XPC: variants seen among roughly 807,000 people sequenced by gnomAD.
XPC encodes the protein DNA repair protein complementing XP-C cells.
In XPC, 76 loss-of-function variants were observed where a neutral mutation model predicts 95.8. The observed-to-expected ratio is 0.79, with a 90% CI of 0.66 to 0.96. XPC has a LOEUF of 0.96. XPC is among the 40% of genes least tolerant of loss of function. The probability of loss-of-function intolerance (pLI) is 0.00; values close to 1 mark genes in which losing one functional copy is unlikely to be tolerated. For synonymous variants in XPC, 442 were observed against 442.1 expected (o/e 1.00, Z 0.00); for missense variants, 1,146 against 1,179.8 (o/e 0.97, Z 0.42).
intron 5 of XPC, among the ~76,000 whole-genome samples, chr3:14,166,210 C>A (rs1006741075): frequency 1.3e-5 from 2 of 152,112 alleles, no homozygotes; most frequent in Non-Finnish European, 2.9e-5. Context: ...TCCTCCCCCC[C>A]GACTAACAGC....
Position 14,158,137 on chromosome 3 carries a change from T to C in XPC, c.1746A>G (p.Thr582=), listed in dbSNP as rs1414258143. The C allele has an allele frequency of 6.2e-7, 1 of 1,613,936 alleles. No homozygotes were observed. The highest frequency in any genetic ancestry group is 8.5e-7 in the Non-Finnish European group (1 of 1,179,886). ...IDSDGWVRDV[T]QRYDPVWMTV... ...TCATCCAGACTGGGTCGTACCTCTG[T>C]GTGACATCTCGGACCCAGCCGTCAC... is the stretch of plus-strand genomic sequence containing the variant. Residue 582 remains threonine (T), a synonymous_variant, in exon 9 of 16, where the codon ACA becomes ACG. Coordinates refer to ENST00000285021, the MANE Select transcript of XPC (RefSeq NM_004628.5). The surrounding 1 kb of genome is among the most constrained non-coding windows in gnomAD (Gnocchi z 5.2).
intron 11 of XPC, among the ~76,000 whole-genome samples, chr3:14,150,260 C>A (rs1387143888): frequency 6.6e-6 from 1 of 152,220 alleles, no homozygotes; most frequent in South Asian, 2.1e-4. Flanking sequence ...GAGGGCTGGC[C>A]CCTGGGCCTC....
At chr3:14,147,244 GA>G in intron 15 of XPC, 45 bp downstream of exon 15, 2 of 1,566,510 alleles carry the variant, frequency 1.3e-6, no homozygotes, top group East Asian at 2.3e-5. Flanking sequence ...GCATCTCCAA[GA>G]AACTGACCCT....
chr3:14,157,455 G>A (rs1695962976), intron 9 of XPC, among the ~76,000 whole-genome samples: 1 of 152,102 alleles, frequency 6.6e-6, no homozygotes, highest in African/African-American at 2.4e-5. Flanking sequence ...GTCAGTGCTG[G>A]TTCTAGGATC....
At chr3:14,176,636 C>CT (rs918157234) in intron 1 of XPC, among the ~76,000 whole-genome samples, 8 of 152,098 alleles carry the variant, frequency 5.3e-5, no homozygotes, top group African/African-American at 1.9e-4. Context: ...AAATCACCTC[C>CT]TAAGTTTACG....
intron 10 of XPC, chr3:14,153,590 G>C (rs906968541): frequency 5.6e-6 from 1 of 179,676 alleles, no homozygotes; most frequent in African/African-American, 2.4e-5. Context: ...TTTATGCTAA[G>C]TGAAATAAGC....
Position 14,172,911 on chromosome 3 carries a change from G to C in XPC, c.255C>G (p.Leu85=), listed in dbSNP as rs377491956. Reference sequence around the variant, plus strand: ...TGAGGGCTTCATCCTTTATAACCTTGAGGTTTTCAGATTTAACAGTCACCT... The same window carrying C: ...TGAGGGCTTCATCCTTTATAACCTTCAGGTTTTCAGATTTAACAGTCACCT... ...VAKVTVKSEN[L]KVIKDEALSD... The change falls in exon 2 of 16, where the codon CTC becomes CTG. Residue 85 remains leucine (L), a synonymous_variant. Coordinates refer to ENST00000285021, the MANE Select transcript of XPC (RefSeq NM_004628.5). 6.2e-7 allele frequency: 1 copy of C among 1,613,842 alleles called. No homozygotes were observed. The highest frequency in any genetic ancestry group is 1.3e-5 in the African/African-American group (1 of 74,924).
At position 14,148,645 on chromosome 3, in the gene XPC, T is replaced by C. The variant is rs1313241772; in HGVS notation, c.2337A>G (p.Leu779=). The C allele has an allele frequency of 6.2e-7, 1 of 1,613,992 alleles. No homozygotes were observed. Among genetic ancestry groups the C allele is most frequent in the Admixed American group, 1.7e-5 (1 of 60,026 alleles). ...TGTCCAGCTTGCGGGCCACGCGGTG[T>C]AGATTGGGCAGGTTCAGCTGGACAC... is the stretch of plus-strand genomic sequence containing the variant. ...IGCVQLNLPN[L]HRVARKLDID... The change falls in exon 13 of 16, where the codon CTA becomes CTG. Residue 779 remains leucine, a synonymous_variant. Transcript: ENST00000285021.
intron 14 of XPC, 199 bp from the exon 15 acceptor site, chr3:14,147,578 A>C (rs528887851): frequency 1.6e-6 from 1 of 627,496 alleles, no homozygotes; most frequent in East Asian, 2.8e-5. Flanking sequence ...ACAAAAACAG[A>C]TAACTTTTTA....
chr3:14,147,528 T>C (rs1340513473), intron 14 of XPC, 149 bp from the exon 15 acceptor site: 5 of 767,062 alleles, frequency 6.5e-6, no homozygotes, highest in South Asian at 1.8e-5. Context: ...TTCCAAAAAA[T>C]TGATCTGATT....
Position 14,158,639 on chromosome 3 carries a change from C to T in XPC, c.1244G>A (p.Arg415Gln), listed in dbSNP as rs750040814. The T allele has an allele frequency of 1.5e-5, 24 of 1,613,766 alleles. No individual in the cohort carries two copies. Among genetic ancestry groups the T allele is most frequent in the Middle Eastern group, 3.3e-4 (2 of 6,084 alleles). ...CCGCCGCTCCCGGCCATGCGGACGT[C>T]GCTGGGTTGCCTTCTCCTGCTTGTC... ...PGDKQEKATQ[R>Q]RPHGRERRVA... The change falls in exon 9 of 16, where the codon CGA (arginine) becomes CAA (glutamine). Residue 415 changes from arginine to glutamine, a missense_variant. Physicochemically the swap from Arg to Gln is conservative, Grantham distance 43. Coordinates refer to ENST00000285021, the MANE Select transcript of XPC (RefSeq NM_004628.5). The surrounding 1 kb of genome is among the most constrained non-coding windows in gnomAD (Gnocchi z 5.2).
intron 1 of XPC, among the ~76,000 whole-genome samples, chr3:14,177,805 G>C (rs182600980): frequency 2.6e-3 from 390 of 151,992 alleles, no homozygotes; most frequent in Middle Eastern, 6.8e-3. Flanking sequence ...ATGATGACTT[G>C]GACAGGGGCT....
chr3:14,162,625 T>C (rs59717062), intron 7 of XPC, among the ~76,000 whole-genome samples: 6 of 152,172 alleles, frequency 3.9e-5, no homozygotes, highest in Non-Finnish European at 8.8e-5. Flanking sequence ...TATGCAAATA[T>C]TAACTCACAA....
intron 3 of XPC, 95 bp downstream of exon 3, chr3:14,170,343 C>G: frequency 8.2e-7 from 1 of 1,212,558 alleles, no homozygotes; most frequent in Non-Finnish European, 1.2e-6. Context: ...CAAAAGAAAA[C>G]AAAAGGATTG....
chr3:14,166,520 A>AC lies in XPC; in HGVS notation c.621+648dup, dbSNP rs905940818. On this transcript the variant is annotated intron_variant, in intron 5 of 15. Transcript: ENST00000285021. Reference sequence around the variant, plus strand: ...CAAAGCCCACCCTCCCTTCACCCCCACCCCCCAACACCTACATACTCCACA... The same window carrying AC: ...CAAAGCCCACCCTCCCTTCACCCCCACCCCCCCAACACCTACATACTCCACA... Among the ~76,000 whole-genome samples, 4 of 68,402 alleles carry AC rather than the reference A, an allele frequency of 5.8e-5. No individual in the cohort carries two copies. The East Asian group carries it at 1.9e-3, about 32-fold the overall frequency. 44.9% of individuals were successfully genotyped at this position (68,402 alleles called of 152,430 possible).
At chr3:14,171,782 C>A (rs1263983096) in intron 2 of XPC, among the ~76,000 whole-genome samples, 1 of 152,080 alleles carries the variant, frequency 6.6e-6, no homozygotes, top group Non-Finnish European at 1.5e-5. Context: ...AAGATTGCAT[C>A]ACTAGACTCC....
Position 14,170,428 on chromosome 3 carries a change from G to T in XPC, c.412+10C>A. On this transcript the variant is annotated intron_variant, in intron 3 of 15. Coordinates refer to ENST00000285021, the MANE Select transcript of XPC (RefSeq NM_004628.5). ...CCAAACAGTTCTGAAAACAAAGAAA[G>T]ATGTTTCACCTTCAACCTCTTCCCA... 2 of 1,611,522 alleles carry T rather than the reference G, an allele frequency of 1.2e-6. No individual in the cohort carries two copies. Among genetic ancestry groups the T allele is most frequent in the Non-Finnish European group, 1.7e-6 (2 of 1,177,862 alleles).
chr3:14,173,082 A>T lies in XPC; in HGVS notation c.104-20T>A. On this transcript the variant is annotated intron_variant, in intron 1 of 15. Coordinates refer to ENST00000285021, the MANE Select transcript of XPC (RefSeq NM_004628.5). ...AGGCATCTAGGTGACAACACAGAAC[A>T]TAAGGTGAGGGGTGGAAGGAAAGGT... 1 of 1,526,438 alleles carries T rather than the reference A, an allele frequency of 6.6e-7. No individual in the cohort carries two copies. Among genetic ancestry groups the T allele is most frequent in the Non-Finnish European group, 8.8e-7 (1 of 1,137,084 alleles). 94.6% of individuals were successfully genotyped at this position (1,526,438 alleles called of 1,614,324 possible).
chr3:14,145,876 G>A lies in XPC; in HGVS notation c.*65C>T, dbSNP rs1226039071. ...ACCACCAGGGGCTGGGCATGCCCAG[G>A]GCAGGTGTGGGGCCTGTAGTGGGGC... is the stretch of plus-strand genomic sequence containing the variant. On this transcript the variant is annotated 3_prime_UTR_variant, in exon 16 of 16. Transcript: ENST00000285021. 6.4e-7 allele frequency: 1 copy of A among 1,554,826 alleles called. No homozygotes were observed.
Sources: gnomAD v4.1 joint callset for allele counts (sites outside exome capture counted in the v4.1 genomes callset) on GRCh38, gnomAD v4.1.1 for gene constraint, Gnocchi (gnomAD v3.1) non-coding constraint, MANE v1.5 for transcripts, NCBI Gene and HGNC (gene_info 2026-07-23, HGNC 2026-07-21) for gene names.